MREG: variants seen among roughly 807,000 people sequenced by gnomAD.
MREG encodes melanoregulin, also known as dilute suppressor protein homolog.
Under a neutral mutation model 28.5 loss-of-function variants are expected in MREG, and 31 were observed. The observed-to-expected ratio is 1.09, with a 90% CI of 0.82 to 1.47. The LOEUF (loss-of-function observed/expected upper bound fraction) is 1.47. Among genes scored for constraint, MREG ranks in the 40% most tolerant of loss-of-function variants. The pLI is 0.00. For missense variants in MREG, 256 were observed against 257.4 expected (o/e 0.99, Z 0.04); for synonymous variants, 106 against 95.2 (o/e 1.11, Z -0.66).
intron 2 of MREG, among the ~76,000 whole-genome samples, chr2:215,951,700 G>A (rs1335418963): frequency 6.6e-6 from 1 of 152,028 alleles, no homozygotes; most frequent in Non-Finnish European, 1.5e-5. Flanking sequence ...TTCCTCGTCA[G>A]TTGTTGGCCA....
At chr2:216,026,446 A>T (rs1694595686) in intron 1 of MREG, among the ~76,000 whole-genome samples, 1 of 151,966 alleles carries the variant, frequency 6.6e-6, no homozygotes, top group Non-Finnish European at 1.5e-5. Context: ...GCTCATTGCA[A>T]CCTTCCCAGG....
chr2:216,030,777 G>A (rs1694669100), intron 1 of MREG, among the ~76,000 whole-genome samples: 1 of 148,828 alleles, frequency 6.7e-6, no homozygotes, highest in African/African-American at 2.5e-5. Flanking sequence ...TGGCCAGGCT[G>A]GTCTTGAACT....
chr2:215,998,730 A>C (rs1275492005), intron 1 of MREG, among the ~76,000 whole-genome samples: 1 of 152,056 alleles, frequency 6.6e-6, no homozygotes, highest in African/African-American at 2.4e-5. Context: ...GCCCATGTGA[A>C]CTTTTATGAG....
At chr2:215,946,568 G>C (rs1456365198) in intron 3 of MREG, among the ~76,000 whole-genome samples, 1 of 152,184 alleles carries the variant, frequency 6.6e-6, no homozygotes, top group Non-Finnish European at 1.5e-5. Flanking sequence ...AATGCCACAA[G>C]TGTTTTTCCC....
At chr2:215,939,868 G>A (rs1285907043), downstream of MREG, among the ~76,000 whole-genome samples, 1 of 151,796 alleles carries the variant, frequency 6.6e-6, no homozygotes, top group African/African-American at 2.4e-5. Context: ...CACACTACAT[G>A]TTTAAAAATG....
chr2:215,985,339 G>A (rs1329521923), intron 2 of MREG, among the ~76,000 whole-genome samples: 1 of 152,166 alleles, frequency 6.6e-6, no homozygotes, highest in Non-Finnish European at 1.5e-5. Flanking sequence ...GGAACATTGA[G>A]GCTGTTTACT....
chr2:216,032,195 G>C (rs1694720725), intron 1 of MREG, among the ~76,000 whole-genome samples: 1 of 152,192 alleles, frequency 6.6e-6, no homozygotes, highest in Admixed American at 6.5e-5. Context: ...TGAAAAAGCT[G>C]ACTCTGTTGA....
chr2:215,984,860 C>G (rs1233666358), intron 2 of MREG, among the ~76,000 whole-genome samples: 1 of 152,210 alleles, frequency 6.6e-6, no homozygotes, highest in Non-Finnish European at 1.5e-5. Flanking sequence ...AAATCCCTTT[C>G]GTACTCATTG....
At chr2:215,973,686 A>AAAAAG (rs1199760330) in intron 2 of MREG, among the ~76,000 whole-genome samples, 6 of 152,348 alleles carry the variant, frequency 3.9e-5, no homozygotes, top group African/African-American at 1.4e-4. Context: ...AACGCTGGCA[A>AAAAAG]AAAAGAAAAG....
At chr2:215,949,074 ACTACTACTACTAC>A (rs1203064530) in intron 2 of MREG, among the ~76,000 whole-genome samples, 4,052 of 132,208 alleles carry the variant, frequency 0.031, 120 homozygotes, top group East Asian at 0.11. Flanking sequence ...TACTACTACT[ACTACTACTACTAC>A]TAATAATAAT....
intron 2 of MREG, among the ~76,000 whole-genome samples, chr2:215,981,379 T>C (rs1010160843): frequency 2.0e-5 from 3 of 152,204 alleles, no homozygotes; most frequent in African/African-American, 7.2e-5. Context: ...TTTGGAAACA[T>C]TACGCTAAGT....
intron 1 of MREG, among the ~76,000 whole-genome samples, chr2:216,025,053 AAC>A (rs1455504470): frequency 5.3e-5 from 8 of 152,330 alleles, no homozygotes; most frequent in Admixed American, 3.3e-4. Flanking sequence ...GAACTGGCAT[AAC>A]AGTTTGTATC....
intron 1 of MREG, among the ~76,000 whole-genome samples, chr2:216,002,975 T>C (rs1369618248): frequency 6.6e-6 from 1 of 151,252 alleles, no homozygotes; most frequent in Non-Finnish European, 1.5e-5. Context: ...CTCTCTCTCT[T>C]TTCTCTCTTT....
intron 2 of MREG, among the ~76,000 whole-genome samples, chr2:215,970,141 T>C (rs1485853315): frequency 2.6e-5 from 4 of 152,174 alleles, no homozygotes; most frequent in African/African-American, 4.8e-5. Context: ...CGAGTTAAAA[T>C]GAGGTTATTC....
intron 2 of MREG, among the ~76,000 whole-genome samples, chr2:215,965,171 T>C (rs1692906164): frequency 6.6e-6 from 1 of 152,236 alleles, no homozygotes; most frequent in Admixed American, 6.5e-5. Context: ...TTAAAAGGTA[T>C]TTGCTATGTT....
chr2:215,955,289 A>G (rs1207119010), intron 2 of MREG, among the ~76,000 whole-genome samples: 1 of 152,188 alleles, frequency 6.6e-6, no homozygotes, highest in East Asian at 1.9e-4. Flanking sequence ...ATGCCCCCCC[A>G]TATTACAATA....
chr2:215,996,329 TACGAATG>T lies in MREG; in HGVS notation c.225_231del (p.Arg77SerfsTer26). The T allele has an allele frequency of 6.2e-7, 1 of 1,613,928 alleles. No individual in the cohort carries two copies. The highest frequency in any genetic ancestry group is 8.5e-7 in the Non-Finnish European group (1 of 1,179,864). On this transcript the variant is annotated frameshift_variant, in exon 2 of 5. Coordinates refer to ENST00000263268, the MANE Select transcript of MREG (RefSeq NM_018000.3). LOFTEE classifies it high-confidence loss of function. ...ACCTCTGAGTCTTTGGCCTGCTGAT[TACGAATG>T]ACTATCAAATTGTACAGGGTTCTGT...
rs1260372758 is a variant in MREG, at chr2:215,943,238, C to T, written c.*1625G>A. On this transcript the variant is annotated 3_prime_UTR_variant, in exon 5 of 5. Coordinates refer to ENST00000263268, the MANE Select transcript of MREG (RefSeq NM_018000.3). ...ACCTTACAAATCCTTAAAGTCTTTTCAGTAACATGAACCATGATCTCTTGA... is the reference window on the plus strand; with the variant it reads ...ACCTTACAAATCCTTAAAGTCTTTTTAGTAACATGAACCATGATCTCTTGA... 2 of 314,964 alleles carry T rather than the reference C, an allele frequency of 6.3e-6. No individual in the cohort carries two copies. Among genetic ancestry groups the T allele is most frequent in the Non-Finnish European group, 1.3e-5 (2 of 157,198 alleles). 19.5% of individuals were successfully genotyped at this position (314,964 alleles called of 1,614,324 possible). A position where few individuals can be genotyped will look rare whatever the true frequency, so the allele number is the denominator to read the frequency against.
rs556595821 is a variant in MREG at position 215,989,901 on chromosome 2, A to T, written c.255+6405T>A. On this transcript the variant is annotated intron_variant, in intron 2 of 4. Coordinates refer to ENST00000263268, the MANE Select transcript of MREG (RefSeq NM_018000.3). ...CCAAGAAATATGGGACTATGTGAAA[A>T]TACCAAATCTATGTTTGATTGGTAT... Among the ~76,000 whole-genome samples the T allele has an allele frequency of 2.3e-3, 344 of 152,256 alleles. 2 individuals are homozygous for T. The highest frequency in any genetic ancestry group is 3.9e-3 in the Non-Finnish European group (263 of 68,022).
Sources: allele counts gnomAD v4.1 joint callset (sites outside exome capture counted in the v4.1 genomes callset), GRCh38; gene constraint gnomAD v4.1.1; transcripts MANE v1.5; gene names NCBI Gene and HGNC (gene_info 2026-07-23, HGNC 2026-07-21).